EDIL3: variants seen among roughly 807,000 people sequenced by gnomAD.
EDIL3 encodes EGF-like repeat and discoidin I-like domain-containing protein 3.
Under a neutral mutation model 67.4 loss-of-function variants are expected in EDIL3, and 37 were observed. The ratio of observed to expected loss-of-function variants is 0.55; its 90% confidence interval spans 0.42 to 0.72. The LOEUF (loss-of-function observed/expected upper bound fraction) is 0.72, where lower values mean the gene tolerates loss of function less well. EDIL3 is among the 30% of genes least tolerant of loss of function. EDIL3 has a pLI of 0.00. For missense variants in EDIL3, 527 were observed against 586.3 expected, an observed-to-expected ratio of 0.90 and a Z score of 1.04; for synonymous variants, 195 against 196.3, an observed-to-expected ratio of 0.99 and a Z score of 0.05.
chr5:84,262,654 G>A (rs1745249613), intron 1 of EDIL3, among the ~76,000 whole-genome samples: 2 of 61,980 alleles, frequency 3.2e-5, no homozygotes, highest in Admixed American at 4.3e-4. Flanking sequence ...TCCCAAGGTT[G>A]GTTGGTTTTT....
intron 6 of EDIL3, among the ~76,000 whole-genome samples, chr5:84,067,026 C>T (rs1323533528): frequency 6.6e-6 from 1 of 152,118 alleles, no homozygotes; most frequent in Non-Finnish European, 1.5e-5. Flanking sequence ...CTAGAAATTT[C>T]CATTTACAAT....
chr5:84,241,314 C>T (rs1165199465), intron 2 of EDIL3, among the ~76,000 whole-genome samples: 2 of 152,064 alleles, frequency 1.3e-5, no homozygotes, highest in East Asian at 1.9e-4. Context: ...TATCTTTATG[C>T]AAAACCACAA....
chr5:84,379,441 C>CA (rs1405994369), intron 1 of EDIL3, among the ~76,000 whole-genome samples: 1 of 151,950 alleles, frequency 6.6e-6, no homozygotes, highest in East Asian at 1.9e-4. Flanking sequence ...ACCATAATGA[C>CA]AAAAAGAGTA....
chr5:84,083,809 A>T (rs185960349), intron 6 of EDIL3, among the ~76,000 whole-genome samples: 4 of 152,368 alleles, frequency 2.6e-5, no homozygotes, highest in African/African-American at 9.6e-5. Context: ...GATGAGTAAC[A>T]AAGAACTAAA....
At chr5:84,115,819 T>C (rs937868995) in intron 5 of EDIL3, among the ~76,000 whole-genome samples, 3 of 152,230 alleles carry the variant, frequency 2.0e-5, no homozygotes, top group Non-Finnish European at 4.4e-5. Context: ...CTAAGAAGGG[T>C]ATAATGCCAA....
At chr5:83,978,400 C>T (rs1257144593) in intron 9 of EDIL3, among the ~76,000 whole-genome samples, 1 of 151,720 alleles carries the variant, frequency 6.6e-6, no homozygotes, top group African/African-American at 2.4e-5. Context: ...AAATGAGAAG[C>T]CTCAATGTAA....
intron 9 of EDIL3, among the ~76,000 whole-genome samples, chr5:83,967,988 A>G (rs1241936192): frequency 6.6e-6 from 1 of 152,136 alleles, no homozygotes; most frequent in East Asian, 1.9e-4. Flanking sequence ...ATGACTTTGA[A>G]GCTAATATGG....
chr5:83,952,802 G>T (rs1209960327), intron 10 of EDIL3, among the ~76,000 whole-genome samples: 1 of 151,800 alleles, frequency 6.6e-6, no homozygotes, highest in African/African-American at 2.4e-5. Flanking sequence ...GGTGTATTTG[G>T]TAATTCTTCC....
chr5:84,160,242 C>G (rs188913584), intron 4 of EDIL3, among the ~76,000 whole-genome samples: 176 of 152,170 alleles, frequency 1.2e-3, no homozygotes, highest in African/African-American at 3.4e-3. Context: ...AATAAACATA[C>G]AAGCAAGTTA....
chr5:84,211,274 G>A (rs1443169533), intron 3 of EDIL3, among the ~76,000 whole-genome samples: 4 of 152,086 alleles, frequency 2.6e-5, no homozygotes, highest in Admixed American at 1.3e-4. Flanking sequence ...ACTGGTTGTT[G>A]AAAAGAGACT....
At position 84,384,231 on chromosome 5, in the gene EDIL3, T is replaced by G. The variant is rs1235093024; in HGVS notation, c.67+77A>C. On this transcript the variant is annotated intron_variant, in intron 1 of 10. Transcript: ENST00000296591. ...CCCTTGGCACGCCGGAGGGACCGCC[T>G]CCGGCCCCCTGCGCGGCGTTTCTCA... 5 of 1,534,746 alleles carry G rather than the reference T, an allele frequency of 3.3e-6. No homozygotes were observed. In the African/African-American group the frequency reaches 7.0e-5, roughly 21 times the overall value.
intron 1 of EDIL3, among the ~76,000 whole-genome samples, chr5:84,260,858 GA>G (rs1396747376): frequency 1.3e-5 from 2 of 152,070 alleles, no homozygotes; most frequent in African/African-American, 4.8e-5. Context: ...TATCACCACA[GA>G]ATGTTACCTC....
At chr5:83,955,159 A>AT (rs1744493125) in intron 10 of EDIL3, among the ~76,000 whole-genome samples, 1 of 151,778 alleles carries the variant, frequency 6.6e-6, no homozygotes, top group Non-Finnish European at 1.5e-5. Flanking sequence ...CTATTAATAA[A>AT]TAAGTCACAC....
intron 4 of EDIL3, among the ~76,000 whole-genome samples, chr5:84,163,916 C>T (rs1197220681): frequency 1.3e-5 from 2 of 152,004 alleles, no homozygotes; most frequent in East Asian, 1.9e-4. Flanking sequence ...GATTCCATTG[C>T]TTTACTGTAT....
At chr5:84,143,974 C>G (rs2112323498) in intron 4 of EDIL3, among the ~76,000 whole-genome samples, 1 of 152,090 alleles carries the variant, frequency 6.6e-6, no homozygotes, top group South Asian at 2.1e-4. Flanking sequence ...GGGGCAGGTG[C>G]TCCAGCCTAT....
intron 1 of EDIL3, among the ~76,000 whole-genome samples, chr5:84,335,812 A>C (rs1312240661): frequency 6.6e-6 from 1 of 152,138 alleles, no homozygotes; most frequent in African/African-American, 2.4e-5. Flanking sequence ...GTAGTTTATA[A>C]AGAACAGAAA....
chr5:84,238,136 C>T (rs1307717974), intron 2 of EDIL3, among the ~76,000 whole-genome samples: 1 of 151,980 alleles, frequency 6.6e-6, no homozygotes, highest in Non-Finnish European at 1.5e-5. Flanking sequence ...ATGGTAGAAT[C>T]TTGGCAAACG....
chr5:84,308,486 G>A (rs1025978983), intron 1 of EDIL3, among the ~76,000 whole-genome samples: 2 of 152,150 alleles, frequency 1.3e-5, no homozygotes, highest in African/African-American at 4.8e-5. Context: ...GTTTAAAATA[G>A]TGATCATCTT....
At chr5:84,217,764 A>ACACC (rs1554036424) in intron 3 of EDIL3, among the ~76,000 whole-genome samples, 8 of 141,304 alleles carry the variant, frequency 5.7e-5, no homozygotes, top group African/African-American at 1.4e-4. Context: ...ACACACACAC[A>ACACC]TCCTTCTGGT....
Sources: allele counts gnomAD v4.1 joint callset (sites outside exome capture counted in the v4.1 genomes callset), GRCh38; gene constraint gnomAD v4.1.1; transcripts MANE v1.5; gene names NCBI Gene and HGNC (gene_info 2026-07-23, HGNC 2026-07-21).